The following AKAP8 variants were observed in gnomAD, a reference collection of about 807,000 sequenced individuals.
AKAP8 encodes the protein A-kinase anchor protein 8.
In AKAP8, 24 loss-of-function variants were observed where a neutral mutation model predicts 67.5. That is an observed-to-expected ratio of 0.36 (90% CI 0.26 to 0.50). The LOEUF is 0.50. Among genes scored for constraint, AKAP8 ranks in the 20% least tolerant of loss-of-function variants. The pLI, the probability that AKAP8 is intolerant of heterozygous loss-of-function variation, is 0.97. For missense variants in AKAP8, 971 were observed against 955.9 expected, an observed-to-expected ratio of 1.02 and a Z score of -0.21; for synonymous variants, 400 against 371.1, an observed-to-expected ratio of 1.08 and a Z score of -0.90.
At chr19:15,361,052 A>G in intron 11 of AKAP8, 74 bp from the exon 12 acceptor site, 2 of 1,544,080 alleles carry the variant, frequency 1.3e-6, no homozygotes, top group Non-Finnish European at 1.7e-6. Context: ...ATCTGGGCCC[A>G]CGTTTTCTCC....
rs1329733617 is a variant in AKAP8 at position 15,353,408 on chromosome 19, C to T, written c.*1507G>A. The T allele has an allele frequency of 7.7e-5, 6 of 77,692 alleles. No individual in the cohort carries two copies. The Admixed American group carries it at 9.9e-4, about 13-fold the overall frequency. The allele number at this position is 77,692 out of a possible 1,614,324, so 4.8% of individuals were successfully genotyped here. On this transcript the variant is annotated 3_prime_UTR_variant, in exon 14 of 14. Transcript: ENST00000269701. The stretch of plus-strand genomic sequence containing the variant: ...TGTTTTTCTGCACTACTGTTTAATG[C>T]TACCGACATTTTTGCCTTAAGAGAA...
chr19:15,373,865 G>C lies in AKAP8; in HGVS notation c.292C>G (p.Gln98Glu). The change falls in exon 4 of 14, where the codon CAG (glutamine) becomes GAG (glutamate). Residue 98 changes from glutamine to glutamate, a missense_variant. Gln to Glu is a conservative substitution (Grantham distance 29). Transcript: ENST00000269701. Reference protein sequence around the residue: ...NSDSLIAKINQRLDMMSKEGG... With the variant: ...NSDSLIAKINERLDMMSKEGG... ...TCCTTGGACATCATGTCCAAACGCT[G>C]GTTGATCTTGGCAATGAGGGAGTCG... 2 of 1,613,128 alleles carry C rather than the reference G, an allele frequency of 1.2e-6. No homozygotes were observed. Among genetic ancestry groups the C allele is most frequent in the Non-Finnish European group, 1.7e-6 (2 of 1,179,948 alleles).
chr19:15,363,194 C>G, intron 9 of AKAP8, among the ~76,000 whole-genome samples: 1 of 151,670 alleles, frequency 6.6e-6, no homozygotes, highest in Non-Finnish European at 1.5e-5. Context: ...AGGAGCGTCT[C>G]CGCCCGGCAG....
intron 13 of AKAP8, among the ~76,000 whole-genome samples, chr19:15,355,576 G>C (rs2048273022): frequency 7.1e-6 from 1 of 140,266 alleles, no homozygotes; most frequent in Non-Finnish European, 1.5e-5. Context: ...TTTTTTTTTT[G>C]AGATGGAGTC....
intron 1 of AKAP8, 121 bp downstream of exon 1, chr19:15,379,592 A>T (rs1033389500): frequency 8.6e-7 from 1 of 1,158,764 alleles, no homozygotes; most frequent in Non-Finnish European, 1.2e-6. Flanking sequence ...GCCTCTCCGG[A>T]GGGCCCAGCT....
rs1191921591 is a variant in AKAP8 at position 15,361,762 on chromosome 19, C to T, written c.1363G>A (p.Glu455Lys). Residue 455 changes from glutamate (E) to lysine (K), a missense_variant, in exon 11 of 14, where the codon GAA (glutamate) becomes AAA (lysine). Transcript: ENST00000269701. ...EKRRQELMEK[E>K]TAKPKPDPFK... ...GGATCTGGTTTTGGTTTTGCGGTTT[C>T]TTTCTCCATCAATTCCTGACGCCGC... 1 of 1,613,998 alleles carries T rather than the reference C, an allele frequency of 6.2e-7. No individual in the cohort carries two copies. Among genetic ancestry groups the T allele is most frequent in the Non-Finnish European group, 8.5e-7 (1 of 1,179,952 alleles).
At position 15,364,122 on chromosome 19, in the gene AKAP8, A is replaced by AAAAAAAAG. The variant is rs1451154955; in HGVS notation, c.1161-1872_1161-1871insCTTTTTTT. On this transcript the variant is annotated intron_variant, in intron 9 of 13. Transcript: ENST00000269701. ...TTGGCAGTGGGCAAAAAAAAAAAAA[A>AAAAAAAAG]AAAGAAACAGGATTTTCAGTAATTT... Among the ~76,000 whole-genome samples, 2 of 144,916 alleles carry AAAAAAAAG rather than the reference A, an allele frequency of 1.4e-5. 1 individual carries two copies. The highest frequency in any genetic ancestry group is 3.0e-5 in the Non-Finnish European group (2 of 66,160).
chr19:15,374,705 T>C (rs536615528), intron 2 of AKAP8, 70 bp from the exon 3 acceptor site: 14 of 1,570,318 alleles, frequency 8.9e-6, no homozygotes, highest in African/African-American at 5.4e-5. Flanking sequence ...AGCTGTCACC[T>C]TGCTCCACCC....
At position 15,369,252 on chromosome 19, in the gene AKAP8, C is replaced by T. The variant is rs753774315; in HGVS notation, c.1072+894G>A. ...GCGCGCAACAGACATGTCACCTTTG[C>T]TTTAGCATTGTGCCGCTAAGCGCTC... On this transcript the variant is annotated intron_variant, in intron 8 of 13. Coordinates refer to ENST00000269701, the MANE Select transcript of AKAP8 (RefSeq NM_005858.4). The surrounding 1 kb of genome is among the most constrained non-coding windows in gnomAD (Gnocchi z 4.6). 95 of 985,430 alleles carry T rather than the reference C, an allele frequency of 9.6e-5. No individual in the cohort carries two copies. The highest frequency in any genetic ancestry group is 1.1e-4 in the Non-Finnish European group (94 of 830,000). The allele number at this position is 985,430 out of a possible 1,614,324, so 61.0% of individuals were successfully genotyped here.
chr19:15,373,356 A>G lies in AKAP8; in HGVS notation c.372-16T>C, dbSNP rs2145083979. 6.3e-7 allele frequency: 1 copy of G among 1,593,562 alleles called. No individual in the cohort carries two copies. The highest frequency in any genetic ancestry group is 1.1e-5 in the South Asian group (1 of 87,730). ...GCGGAAGGAGCTGCAACAGAAGCAC[A>G]GCCCATCAGGGGCGGTCACCCCGAT... On this transcript the variant is annotated splice_polypyrimidine_tract_variant and intron_variant, in intron 4 of 13. Coordinates refer to ENST00000269701, the MANE Select transcript of AKAP8 (RefSeq NM_005858.4).
chr19:15,365,715 C>G (rs1032563713), intron 9 of AKAP8, among the ~76,000 whole-genome samples: 4 of 152,156 alleles, frequency 2.6e-5, no homozygotes, highest in African/African-American at 9.7e-5. Context: ...AGAATTCCTC[C>G]AAGTCCCTTC....
chr19:15,373,121 G>A lies in AKAP8; in HGVS notation c.591C>T (p.Asp197=). 1.9e-6 allele frequency: 3 copies of A among 1,612,802 alleles called. No homozygotes were observed. The highest frequency in any genetic ancestry group is 2.5e-6 in the Non-Finnish European group (3 of 1,179,854). The stretch of plus-strand genomic sequence containing the variant: ...GCATGAAGGTGCCAGGGTTGCTCCG[G>A]TCCTGGAAGCGGCCCTGGCCCCGGC... ...MRGRGQGRFQ[D]RSNPGTFMRS... Residue 197 remains aspartate, a synonymous_variant, in exon 5 of 14, where the codon GAC becomes GAT. Coordinates refer to ENST00000269701, the MANE Select transcript of AKAP8 (RefSeq NM_005858.4).
intron 1 of AKAP8, chr19:15,378,882 G>A (rs1967309708): frequency 6.6e-6 from 1 of 152,552 alleles, no homozygotes; most frequent in Non-Finnish European, 1.5e-5. Context: ...TCCTAGTGGG[G>A]AAAGGACACG....
intron 2 of AKAP8, 78 bp downstream of exon 2, chr19:15,376,898 C>G (rs1448643597): frequency 1.3e-6 from 2 of 1,543,558 alleles, no homozygotes; most frequent in African/African-American, 2.7e-5. Flanking sequence ...TCTCCCTTGA[C>G]CCAAGTTCAG....
Position 15,369,855 on chromosome 19 carries a change from C to T in AKAP8, c.1072+291G>A, listed in dbSNP as rs1967125579. On this transcript the variant is annotated intron_variant, in intron 8 of 13. Transcript: ENST00000269701. This position sits in a 1 kb window ranked among gnomAD's most constrained non-coding sequence, Gnocchi z 4.6. ...GGGGGCCTCTTCTCTCATGTTTCTC[C>T]TTCCCTACAAACTTCGACTGTGGTG... Among the ~76,000 whole-genome samples the T allele has an allele frequency of 6.6e-6, 1 of 152,214 alleles. No homozygotes were observed. The highest frequency in any genetic ancestry group is 6.5e-5 in the Admixed American group (1 of 15,288).
chr19:15,370,226 G>A, intron 7 of AKAP8, 47 bp from the exon 8 acceptor site: 1 of 1,609,668 alleles, frequency 6.2e-7, no homozygotes, highest in Non-Finnish European at 8.5e-7. Context: ...GGTGTGTCCA[G>A]ACTCTCCACA....
rs1967190490 is a variant in AKAP8 at position 15,373,113 on chromosome 19, T to C, written c.599A>G (p.Asn200Ser). 2 of 1,612,480 alleles carry C rather than the reference T, an allele frequency of 1.2e-6. No individual in the cohort carries two copies. Among genetic ancestry groups the C allele is most frequent in the Non-Finnish European group, 1.7e-6 (2 of 1,179,792 alleles). ...RGQGRFQDRS[N>S]PGTFMRSDPF... ...GTCGCTGCGCATGAAGGTGCCAGGG[T>C]TGCTCCGGTCCTGGAAGCGGCCCTG... Residue 200 changes from asparagine to serine, a missense_variant, in exon 5 of 14, where the codon AAC (asparagine) becomes AGC (serine). Asn to Ser is a conservative substitution (Grantham distance 46). Transcript: ENST00000269701.
At chr19:15,365,629 C>T (rs905800444) in intron 9 of AKAP8, among the ~76,000 whole-genome samples, 5 of 152,292 alleles carry the variant, frequency 3.3e-5, no homozygotes, top group Admixed American at 1.3e-4. Flanking sequence ...GACAATCTCC[C>T]GGGGCTCATA....
intron 2 of AKAP8, among the ~76,000 whole-genome samples, chr19:15,374,999 G>A (rs188087629): frequency 6.6e-6 from 1 of 152,194 alleles, no homozygotes; most frequent in East Asian, 1.9e-4. Flanking sequence ...GAGTGCAGGC[G>A]CTGCCAACTG....
Sources: gnomAD v4.1 joint callset for allele counts (sites outside exome capture counted in the v4.1 genomes callset) on GRCh38, gnomAD v4.1.1 for gene constraint, Gnocchi (gnomAD v3.1) non-coding constraint, MANE v1.5 for transcripts, NCBI Gene and HGNC (gene_info 2026-07-23, HGNC 2026-07-21) for gene names.